Variants in XPOT observed in about 807,000 individuals in gnomAD.
XPOT encodes the protein exportin-T.
XPOT carries 34 observed loss-of-function variants against 128.2 expected under a neutral mutation model. That is an observed-to-expected ratio of 0.27 (90% CI 0.20 to 0.35). The LOEUF (loss-of-function observed/expected upper bound fraction) is 0.35, where lower values mean the gene tolerates loss of function less well. Ranked by LOEUF, XPOT falls within the 10% of genes least tolerant of loss-of-function variation. The probability of loss-of-function intolerance (pLI) is 1.00; values close to 1 mark genes in which losing one functional copy is unlikely to be tolerated. For missense variants in XPOT, 838 were observed against 1,125.3 expected (o/e 0.74, Z 3.65); for synonymous variants, 348 against 394.3 (o/e 0.88, Z 1.39).
chr12:64,421,503 A>G, intron 9 of XPOT, 32 bp downstream of exon 9: 1 of 1,456,748 alleles, frequency 6.9e-7, no homozygotes, highest in South Asian at 1.2e-5. Context: ...TTTGCTCAAT[A>G]CATAATACAA....
intron 8 of XPOT, 88 bp downstream of exon 8, chr12:64,420,609 T>C: frequency 2.8e-6 from 3 of 1,057,342 alleles, no homozygotes; most frequent in Non-Finnish European, 4.1e-6. Flanking sequence ...TAGCTTTTTT[T>C]CTTCTAAATG....
At chr12:64,430,715 A>G (rs2040231722) in intron 17 of XPOT, among the ~76,000 whole-genome samples, 1 of 152,204 alleles carries the variant, frequency 6.6e-6, no homozygotes, top group South Asian at 2.1e-4. Context: ...GTTGACAAAC[A>G]ACAGCATGAA....
At position 64,434,781 on chromosome 12, in the gene XPOT, A is replaced by AT; in HGVS notation, c.2570-11dup. 6.2e-7 allele frequency: 1 copy of AT among 1,607,626 alleles called. No individual in the cohort carries two copies. The highest frequency in any genetic ancestry group is 8.5e-7 in the Non-Finnish European group (1 of 1,177,124). ...TTTTATATATAAGATGAAAATTTGAATTCTCTTGACAGGAGGTAAAGATGG... is the reference window on the plus strand; with the variant it reads ...TTTTATATATAAGATGAAAATTTGAATTTCTCTTGACAGGAGGTAAAGATGG... On this transcript the variant is annotated splice_polypyrimidine_tract_variant and intron_variant, in intron 20 of 24. Transcript: ENST00000332707.
At chr12:64,425,783 T>A in intron 14 of XPOT, 32 bp from the exon 15 acceptor site, 1 of 1,599,586 alleles carries the variant, frequency 6.3e-7, no homozygotes, top group Non-Finnish European at 8.6e-7. Context: ...CTTGAAAAAA[T>A]GCAGAAATAG....
intron 2 of XPOT, among the ~76,000 whole-genome samples, chr12:64,411,441 C>A (rs1302084468): frequency 1.3e-5 from 2 of 152,098 alleles, no homozygotes; most frequent in Non-Finnish European, 2.9e-5. Flanking sequence ...TTTTCTTTGC[C>A]TCTTAAGTTC....
In XPOT at chr12:64,448,191, C is replaced by T. The variant is rs367796508; in HGVS notation, c.*60C>T. The T allele has an allele frequency of 2.3e-5, 35 of 1,539,694 alleles. No individual in the cohort carries two copies. The highest frequency in any genetic ancestry group is 5.5e-5 in the African/African-American group (4 of 73,374). ...GAATTCCAGTTAATTTATAAAGAGG[C>T]GATTTTTGTGTGCCATTCACACTGG... is the stretch of plus-strand genomic sequence containing the variant. On this transcript the variant is annotated 3_prime_UTR_variant, in exon 25 of 25. Coordinates refer to ENST00000332707, the MANE Select transcript of XPOT (RefSeq NM_007235.6).
At position 64,449,613 on chromosome 12, in the gene XPOT, T is replaced by C. The variant is rs2040394202; in HGVS notation, c.*1482T>C. 1 of 152,248 alleles carries C rather than the reference T, an allele frequency of 6.6e-6. No individual in the cohort carries two copies. Among genetic ancestry groups the C allele is most frequent in the South Asian group, 2.1e-4 (1 of 4,836 alleles). The allele number at this position is 152,248 out of a possible 1,614,324, so 9.4% of individuals were successfully genotyped here. A position where few individuals can be genotyped will look rare whatever the true frequency, so the allele number is the denominator to read the frequency against. On this transcript the variant is annotated 3_prime_UTR_variant, in exon 25 of 25. Transcript: ENST00000332707. ...TCTAAATTTTGTACATTTATTTTGT[T>C]CCGGTTAATTCCAGAAGACATTTCA...
At chr12:64,445,179 TGA>T in intron 24 of XPOT, 48 bp downstream of exon 24, 1 of 1,440,158 alleles carries the variant, frequency 6.9e-7, no homozygotes, top group Non-Finnish European at 9.7e-7. Flanking sequence ...AGGTAATGTT[TGA>T]GAGCCAAGAG....
At chr12:64,413,450 G>A (rs1311369236) in intron 2 of XPOT, among the ~76,000 whole-genome samples, 1 of 152,094 alleles carries the variant, frequency 6.6e-6, no homozygotes, top group Non-Finnish European at 1.5e-5. Flanking sequence ...AACAAAAGAC[G>A]GTCCTGTCGC....
intron 2 of XPOT, among the ~76,000 whole-genome samples, chr12:64,414,024 C>G (rs2040064687): frequency 6.6e-6 from 1 of 152,224 alleles, no homozygotes; most frequent in East Asian, 1.9e-4. Flanking sequence ...GTCAAATCAT[C>G]TAGCAGTGCT....
rs200283151 is a variant in XPOT at position 64,433,513 on chromosome 12, G to A, written c.2362G>A (p.Ala788Thr). 850 of 1,613,060 alleles carry A rather than the reference G, an allele frequency of 5.3e-4. 2 individuals carry two copies. The highest frequency in any genetic ancestry group is 6.5e-4 in the Non-Finnish European group (769 of 1,179,470). The change falls in exon 19 of 25, where the codon GCT becomes ACT. Residue 788 changes from alanine to threonine, a missense_variant. Physicochemically the swap from Ala to Thr is moderately conservative, Grantham distance 58. Coordinates refer to ENST00000332707, the MANE Select transcript of XPOT (RefSeq NM_007235.6). Reference protein sequence around the residue: ...RPAEENDQSAALEKQMLRRSY... With the variant: ...RPAEENDQSATLEKQMLRRSY... ...AGCAGAAGAAAATGACCAGTCTGCT[G>A]CTTTAGAGAAGCAGATGTTGCGGAG...
intron 23 of XPOT, among the ~76,000 whole-genome samples, chr12:64,440,641 T>C (rs942771925): frequency 6.6e-6 from 1 of 152,228 alleles, no homozygotes; most frequent in Admixed American, 6.5e-5. Context: ...TTCATTTTTT[T>C]GTAATAGCCA....
At chr12:64,434,686 A>G in intron 20 of XPOT, 63 bp downstream of exon 20, 5 of 1,539,242 alleles carry the variant, frequency 3.2e-6, no homozygotes, top group Non-Finnish European at 3.6e-6. Context: ...CTTAGACATA[A>G]TGGAACATAG....
Position 64,416,683 on chromosome 12 carries a change from TTTTTTC to T in XPOT, c.144-8_144-3del, listed in dbSNP as rs770378724. 6.2e-7 allele frequency: 1 copy of T among 1,606,534 alleles called. No homozygotes were observed. Among genetic ancestry groups the T allele is most frequent in the African/African-American group, 1.3e-5 (1 of 74,678 alleles). ...TCATATTCTGCTTATCTCATTTTCT[TTTTTTC>T]TTTTTCAGTGATGATCATGTGAAGT... On this transcript the variant is annotated splice_polypyrimidine_tract_variant and intron_variant, in intron 3 of 24. Transcript: ENST00000332707.
chr12:64,420,026 T>C, intron 6 of XPOT, 44 bp from the exon 7 acceptor site: 2 of 1,507,474 alleles, frequency 1.3e-6, no homozygotes, highest in Middle Eastern at 1.8e-4. Context: ...TCAAACATGA[T>C]TTTGTAAGGT....
intron 3 of XPOT, 103 bp downstream of exon 3, chr12:64,415,092 T>C: frequency 1.3e-6 from 1 of 770,204 alleles, no homozygotes; most frequent in South Asian, 1.7e-5. Flanking sequence ...AAACATTTTA[T>C]GACTTTTTTT....
At chr12:64,412,139 TC>T (rs933906444) in intron 2 of XPOT, among the ~76,000 whole-genome samples, 1 of 150,678 alleles carries the variant, frequency 6.6e-6, no homozygotes, top group African/African-American at 2.4e-5. Context: ...TTCTCCTGCC[TC>T]AGCTGGGATT....
intron 24 of XPOT, 30 bp from the exon 25 acceptor site, chr12:64,448,072 TTAG>T (rs2040380035): frequency 1.3e-6 from 2 of 1,596,048 alleles, no homozygotes; most frequent in South Asian, 1.1e-5. Context: ...TCTTCTGACA[TTAG>T]TATTGATTGC....
At chr12:64,425,278 C>G in intron 13 of XPOT, 60 bp from the exon 14 acceptor site, 1 of 1,609,494 alleles carries the variant, frequency 6.2e-7, no homozygotes, top group Non-Finnish European at 8.5e-7. Flanking sequence ...TATGTTAATA[C>G]CGGGGCATTT....
Sources: gnomAD v4.1 joint callset for allele counts (sites outside exome capture counted in the v4.1 genomes callset) on GRCh38, gnomAD v4.1.1 for gene constraint, MANE v1.5 for transcripts, NCBI Gene and HGNC (gene_info 2026-07-23, HGNC 2026-07-21) for gene names.